Variants in SERPING1 observed in about 807,000 individuals in gnomAD.
The protein encoded by SERPING1 is plasma protease C1 inhibitor.
SERPING1 carries 5 observed loss-of-function variants against 34.1 expected under a neutral mutation model. The ratio of observed to expected loss-of-function variants is 0.15; its 90% confidence interval spans 0.08 to 0.31. SERPING1 has a LOEUF of 0.31. Ranked by LOEUF, SERPING1 falls within the 10% of genes least tolerant of loss-of-function variation. SERPING1 has a pLI of 1.00. For synonymous variants in SERPING1, 225 were observed against 242.4 expected, an observed-to-expected ratio of 0.93 and a Z score of 0.67; for missense variants, 505 against 609.5, an observed-to-expected ratio of 0.83 and a Z score of 1.81.
chr11:57,605,083 A>G (rs1392662008), intron 4 of SERPING1, among the ~76,000 whole-genome samples: 1 of 152,142 alleles, frequency 6.6e-6, no homozygotes, highest in Non-Finnish European at 1.5e-5. Flanking sequence ...CAGATGTGGG[A>G]AAAACATGGC....
intron 6 of SERPING1, 155 bp from the exon 7 acceptor site, chr11:57,611,562 C>T: frequency 1.3e-6 from 1 of 760,084 alleles, no homozygotes; most frequent in Non-Finnish European, 2.3e-6. Context: ...AGCTGGTATC[C>T]CCATTTCATG....
chr11:57,604,128 T>C (rs866679940), intron 4 of SERPING1, among the ~76,000 whole-genome samples: 1 of 17,572 alleles, frequency 5.7e-5, no homozygotes, highest in Admixed American at 6.9e-4. Context: ...CGAGACTCTG[T>C]CTCAAAAAAA....
chr11:57,606,678 C>T (rs1351297121), intron 6 of SERPING1, 131 bp downstream of exon 6: 1 of 965,216 alleles, frequency 1.0e-6, no homozygotes, highest in East Asian at 2.4e-5. Flanking sequence ...ATCTGTATTT[C>T]CACCCTATCT....
chr11:57,614,479 C>T lies in SERPING1; in HGVS notation c.1401C>T (p.Thr467=). 6.2e-7 allele frequency: 1 copy of T among 1,614,070 alleles called. No individual in the cohort carries two copies. Among genetic ancestry groups the T allele is most frequent in the Non-Finnish European group, 8.5e-7 (1 of 1,180,012 alleles). ...AAASAISVAR[T]LLVFEVQQPF... ...CCTCCGCCATCTCTGTGGCCCGCAC[C>T]CTGCTGGTCTTTGAAGTGCAGCAGC... Residue 467 remains threonine, a synonymous_variant, in exon 8 of 8, where the codon ACC becomes ACT. Coordinates refer to ENST00000278407, the MANE Select transcript of SERPING1 (RefSeq NM_000062.3).
chr11:57,608,111 A>G (rs1301132083), intron 6 of SERPING1, among the ~76,000 whole-genome samples: 1 of 152,234 alleles, frequency 6.6e-6, no homozygotes, highest in African/African-American at 2.4e-5. Flanking sequence ...GAGTGAATAT[A>G]TGTGACAGGT....
At chr11:57,603,696 G>A (rs1945375805) in intron 4 of SERPING1, among the ~76,000 whole-genome samples, 1 of 148,824 alleles carries the variant, frequency 6.7e-6, no homozygotes, top group South Asian at 2.1e-4. Context: ...AAACTTAGCC[G>A]GGCATGGTGG....
intron 4 of SERPING1, among the ~76,000 whole-genome samples, chr11:57,602,941 T>C (rs1397750538): frequency 1.6e-4 from 20 of 122,030 alleles, no homozygotes; most frequent in African/African-American, 6.1e-4. Context: ...AAAAAAAAAG[T>C]TGGGGGTACG....
intron 6 of SERPING1, among the ~76,000 whole-genome samples, chr11:57,608,234 G>A (rs371204664): frequency 6.6e-6 from 1 of 152,146 alleles, no homozygotes; most frequent in Non-Finnish European, 1.5e-5. Context: ...GTGGAAAGTA[G>A]GAATTAAGAA....
In SERPING1 at chr11:57,600,043, C is replaced by A. The variant is rs143059012; in HGVS notation, c.216C>A (p.Thr72=). 9.3e-6 allele frequency: 15 copies of A among 1,613,966 alleles called. No homozygotes were observed. In the African/African-American group the frequency reaches 2.0e-4, roughly 22 times the overall value. Residue 72 remains threonine (T), a synonymous_variant, in exon 3 of 8, where the codon ACC becomes ACA. Transcript: ENST00000278407. The part of the protein sequence containing the change: ...VSSLPTTNST[T]NSATKITANT... ...GCTTGCCGACAACCAACTCAACAAC[C>A]AATTCAGCCACCAAAATAACAGCTA...
intron 7 of SERPING1, among the ~76,000 whole-genome samples, chr11:57,613,928 C>G (rs1368472652): frequency 6.6e-6 from 1 of 151,976 alleles, no homozygotes; most frequent in Non-Finnish European, 1.5e-5. Context: ...ATTAGATGGT[C>G]TAATATTTGG....
rs117212059 is a variant in SERPING1 at position 57,604,800 on chromosome 11, C to T, written c.686-1210C>T. On this transcript the variant is annotated intron_variant, in intron 4 of 7. Coordinates refer to ENST00000278407, the MANE Select transcript of SERPING1 (RefSeq NM_000062.3). ...GGAGGATTGCTTGAGGCTAGAATTT[C>T]GAGACTAGCCTCTGGGCAACATAGA... Among the ~76,000 whole-genome samples the T allele has an allele frequency of 4.5e-4, 68 of 151,502 alleles. No homozygotes were observed. In the East Asian group the frequency reaches 0.01, roughly 23 times the overall value.
At chr11:57,604,712 G>A (rs1321236456) in intron 4 of SERPING1, among the ~76,000 whole-genome samples, 5 of 149,756 alleles carry the variant, frequency 3.3e-5, no homozygotes, top group Admixed American at 3.3e-4. Flanking sequence ...TTTTTAAACT[G>A]TAAAAACAAT....
chr11:57,613,069 A>G (rs990223901), intron 7 of SERPING1, among the ~76,000 whole-genome samples: 5 of 152,058 alleles, frequency 3.3e-5, no homozygotes, highest in Admixed American at 2.0e-4. Flanking sequence ...CTTTGATCTC[A>G]TGTCCAGCCC....
intron 1 of SERPING1, 74 bp from the exon 2 acceptor site, chr11:57,598,175 G>A: frequency 5.1e-6 from 6 of 1,170,158 alleles, no homozygotes; most frequent in Non-Finnish European, 7.3e-6. Context: ...CGGAATGGGG[G>A]CGGGCCCCGG....
At chr11:57,602,219 C>T (rs1222300948) in intron 4 of SERPING1, 50 bp downstream of exon 4, 1 of 1,608,154 alleles carries the variant, frequency 6.2e-7, no homozygotes, top group Non-Finnish European at 8.5e-7. Flanking sequence ...CCTGAGAGGA[C>T]TCTGAAGGGG....
chr11:57,613,271 G>A (rs758576377), intron 7 of SERPING1, among the ~76,000 whole-genome samples: 2 of 152,098 alleles, frequency 1.3e-5, no homozygotes, highest in Non-Finnish European at 2.9e-5. Context: ...TCCTACAATT[G>A]AATCCAATTC....
intron 4 of SERPING1, among the ~76,000 whole-genome samples, chr11:57,604,098 T>C (rs1048261393): frequency 4.8e-5 from 7 of 146,662 alleles, no homozygotes; most frequent in Non-Finnish European, 7.4e-5. Context: ...CACCACTGCA[T>C]TCCAGCCTGG....
intron 7 of SERPING1, among the ~76,000 whole-genome samples, chr11:57,613,297 A>G (rs576241119): frequency 3.3e-5 from 5 of 152,322 alleles, no homozygotes; most frequent in Admixed American, 2.6e-4. Context: ...CTCTACCTGG[A>G]AATAACATCA....
intron 4 of SERPING1, 45 bp from the exon 5 acceptor site, chr11:57,605,965 C>T (rs562830572): frequency 2.6e-5 from 40 of 1,543,150 alleles, no homozygotes; most frequent in Non-Finnish European, 3.5e-5. Flanking sequence ...ATGGAAAGAA[C>T]GACGTGTTCA....
Sources: gnomAD v4.1 joint callset for allele counts (sites outside exome capture counted in the v4.1 genomes callset) on GRCh38, gnomAD v4.1.1 for gene constraint, MANE v1.5 for transcripts, NCBI Gene and HGNC (gene_info 2026-07-23, HGNC 2026-07-21) for gene names.